The following KAZN variants were observed in gnomAD, a reference collection of about 807,000 sequenced individuals.
The protein encoded by KAZN is kazrin, periplakin interacting protein.
A neutral mutation model predicts 87.4 loss-of-function variants in KAZN; 40 were observed. The ratio of observed to expected loss-of-function variants is 0.46; its 90% confidence interval spans 0.36 to 0.60. KAZN has a LOEUF of 0.60. Among genes scored for constraint, KAZN ranks in the 20% least tolerant of loss-of-function variants. The pLI, the probability that KAZN is intolerant of heterozygous loss-of-function variation, is 0.00. For synonymous variants in KAZN, 466 were observed against 458.3 expected (o/e 1.02, Z -0.22); for missense variants, 898 against 1,073.9 (o/e 0.84, Z 2.29).
intron 2 of KAZN, among the ~76,000 whole-genome samples, chr1:14,496,883 G>A (rs2148419473): frequency 6.6e-6 from 1 of 152,112 alleles, no homozygotes; most frequent in East Asian, 1.9e-4. Flanking sequence ...CCAGAAACCA[G>A]GAAGCAGCTG....
intron 2 of KAZN, among the ~76,000 whole-genome samples, chr1:14,532,915 G>C (rs1272490154): frequency 2.4e-4 from 36 of 152,014 alleles, no homozygotes; most frequent in Admixed American, 2.4e-3. Flanking sequence ...ATTGTGAATA[G>C]TGCTGCAATA....
intron 2 of KAZN, among the ~76,000 whole-genome samples, chr1:14,418,434 ATTATT>A (rs1665020195): frequency 6.6e-6 from 1 of 152,172 alleles, no homozygotes. Context: ...CACTACTTTT[ATTATT>A]ACTGTCAGCA....
chr1:14,354,275 G>T (rs1658801267), intron 2 of KAZN, among the ~76,000 whole-genome samples: 3 of 151,970 alleles, frequency 2.0e-5, no homozygotes, highest in Admixed American at 6.6e-5. Context: ...TTAGGCAAAG[G>T]TTCCTTAGAG....
intron 8 of KAZN, among the ~76,000 whole-genome samples, chr1:15,088,561 G>T (rs1640376050): frequency 6.6e-6 from 1 of 152,216 alleles, no homozygotes; most frequent in Non-Finnish European, 1.5e-5. Flanking sequence ...CCGCTGAGCA[G>T]CCTGGCCATC....
In KAZN at chr1:15,036,277, T is replaced by C. The variant is rs10927639; in HGVS notation, c.555+1392T>C. On this transcript the variant is annotated intron_variant, in intron 3 of 14. Transcript: ENST00000376030. ...CGCCCCAGCCCTCCCCTGCCCTGCCTACCCAGCTCCCTCTGCCCTGCCCGC... is the reference window on the plus strand; with the variant it reads ...CGCCCCAGCCCTCCCCTGCCCTGCCCACCCAGCTCCCTCTGCCCTGCCCGC... Among the ~76,000 whole-genome samples, 66 of 13,616 alleles carry C rather than the reference T, an allele frequency of 4.8e-3. 3 individuals are homozygous for C. Among genetic ancestry groups the C allele is most frequent in the Admixed American group, 0.015 (19 of 1,226 alleles). The allele number at this position is 13,616 out of a possible 152,430, so 8.9% of individuals were successfully genotyped here. A position where few individuals can be genotyped will look rare whatever the true frequency, so the allele number is the denominator to read the frequency against.
intron 2 of KAZN, among the ~76,000 whole-genome samples, chr1:14,316,921 T>C (rs913854015): frequency 1.3e-5 from 2 of 151,964 alleles, no homozygotes; most frequent in African/African-American, 4.8e-5. Flanking sequence ...TTTTTTTCAA[T>C]TTATTGAAAG....
At chr1:14,388,155 G>T (rs555828274) in intron 2 of KAZN, among the ~76,000 whole-genome samples, 1 of 152,318 alleles carries the variant, frequency 6.6e-6, no homozygotes, top group South Asian at 2.1e-4. Flanking sequence ...GTGAGGCAAT[G>T]CCTCGCCCTG....
chr1:14,139,321 C>G (rs915644248), intron 1 of KAZN, among the ~76,000 whole-genome samples: 10 of 152,306 alleles, frequency 6.6e-5, no homozygotes, highest in African/African-American at 2.4e-4. Context: ...GTCATCATTC[C>G]GGCAAAACCT....
chr1:14,875,331 C>CAAAAA (rs58205013), intron 1 of KAZN, among the ~76,000 whole-genome samples: 1 of 86,924 alleles, frequency 1.2e-5, no homozygotes, highest in Non-Finnish European at 2.2e-5. Context: ...AACTCTGTCT[C>CAAAAA]AAAAAAAAAA....
chr1:14,543,942 CTAT>C (rs1269350858), intron 2 of KAZN, among the ~76,000 whole-genome samples: 1 of 152,106 alleles, frequency 6.6e-6, no homozygotes, highest in Admixed American at 6.5e-5. Flanking sequence ...ACTTTGTTGC[CTAT>C]TAAGACAATG....
intron 1 of KAZN, among the ~76,000 whole-genome samples, chr1:14,005,938 A>G (rs754200394): frequency 6.6e-6 from 1 of 152,180 alleles, no homozygotes; most frequent in Non-Finnish European, 1.5e-5. Flanking sequence ...AACAAAGACT[A>G]TATGTATCCA....
At chr1:14,108,716 G>C (rs980026136) in intron 1 of KAZN, among the ~76,000 whole-genome samples, 4 of 152,118 alleles carry the variant, frequency 2.6e-5, no homozygotes, top group Non-Finnish European at 5.9e-5. Flanking sequence ...GCTGGGAACC[G>C]TGTGGACTTG....
chr1:14,814,489 C>A (rs1252478061), intron 1 of KAZN, among the ~76,000 whole-genome samples: 1 of 152,242 alleles, frequency 6.6e-6, no homozygotes, highest in Non-Finnish European at 1.5e-5. Flanking sequence ...GCTGGGATTG[C>A]AGGCGTGAGC....
chr1:14,526,764 G>A (rs1453337266), intron 2 of KAZN, among the ~76,000 whole-genome samples: 1 of 152,054 alleles, frequency 6.6e-6, no homozygotes, highest in Non-Finnish European at 1.5e-5. Flanking sequence ...TCATAGTAAG[G>A]TACAGATACT....
intron 2 of KAZN, among the ~76,000 whole-genome samples, chr1:14,963,867 T>A (rs1447060167): frequency 6.6e-6 from 1 of 152,132 alleles, no homozygotes; most frequent in Admixed American, 6.5e-5. Context: ...CACTTATGAG[T>A]GAGAACGTGT....
chr1:14,332,956 G>A (rs746614991), intron 2 of KAZN, among the ~76,000 whole-genome samples: 5 of 152,094 alleles, frequency 3.3e-5, no homozygotes, highest in Admixed American at 1.3e-4. Context: ...GTGCCATGGC[G>A]GTTTGCTGCA....
At chr1:14,665,115 C>G (rs143018227) in intron 1 of KAZN, among the ~76,000 whole-genome samples, 1 of 152,196 alleles carries the variant, frequency 6.6e-6, no homozygotes, top group Non-Finnish European at 1.5e-5. Context: ...GCTGCCCCAA[C>G]AAAGATGGTC....
intron 1 of KAZN, among the ~76,000 whole-genome samples, chr1:14,041,959 A>T (rs1216651765): frequency 6.6e-6 from 1 of 152,152 alleles, no homozygotes; most frequent in Non-Finnish European, 1.5e-5. Flanking sequence ...CCTTTGTGAC[A>T]TTCCTCTCTG....
intron 1 of KAZN, among the ~76,000 whole-genome samples, chr1:14,050,612 C>T (rs1250057526): frequency 6.6e-6 from 1 of 152,184 alleles, no homozygotes; most frequent in Non-Finnish European, 1.5e-5. Flanking sequence ...CCCACATCAT[C>T]CAATCACTTC....
Sources: gnomAD v4.1 joint callset for allele counts (sites outside exome capture counted in the v4.1 genomes callset) on GRCh38, gnomAD v4.1.1 for gene constraint, MANE v1.5 for transcripts, NCBI Gene and HGNC (gene_info 2026-07-23, HGNC 2026-07-21) for gene names.